CDKAL1: variants seen among roughly 807,000 people sequenced by gnomAD.
CDKAL1 encodes the protein threonylcarbamoyladenosine tRNA methylthiotransferase.
CDKAL1 carries 32 observed loss-of-function variants against 68.2 expected under a neutral mutation model. That is an observed-to-expected ratio of 0.47 (90% CI 0.35 to 0.63). CDKAL1 has a LOEUF of 0.63. Ranked by LOEUF, CDKAL1 falls within the 30% of genes least tolerant of loss-of-function variation. The probability of loss-of-function intolerance (pLI) is 0.00; values close to 1 mark genes in which losing one functional copy is unlikely to be tolerated. For missense variants in CDKAL1, 606 were observed against 696.7 expected (o/e 0.87, Z 1.47); for synonymous variants, 234 against 244.3 (o/e 0.96, Z 0.39).
At chr6:20,620,108 A>G (rs968144544) in intron 4 of CDKAL1, among the ~76,000 whole-genome samples, 13 of 152,304 alleles carry the variant, frequency 8.5e-5, no homozygotes, top group African/African-American at 3.1e-4. Flanking sequence ...ATTAGTTCAT[A>G]TGTGTTGGTT....
intron 11 of CDKAL1, among the ~76,000 whole-genome samples, chr6:21,059,751 C>T (rs973237501): frequency 6.6e-6 from 1 of 152,134 alleles, no homozygotes; most frequent in Admixed American, 6.5e-5. Flanking sequence ...ATCTTGGCCC[C>T]TCCCCTGATT....
At chr6:21,036,411 T>C (rs1426052806) in intron 11 of CDKAL1, among the ~76,000 whole-genome samples, 1 of 152,130 alleles carries the variant, frequency 6.6e-6, no homozygotes, top group Non-Finnish European at 1.5e-5. Context: ...AAGTATGGTG[T>C]GGCAGAGCAA....
At chr6:20,758,796 A>G (rs1774344046) in intron 7 of CDKAL1, among the ~76,000 whole-genome samples, 153 bp downstream of exon 7, 1 of 152,198 alleles carries the variant, frequency 6.6e-6, no homozygotes, top group Non-Finnish European at 1.5e-5. Context: ...TGAATTTGCC[A>G]GTCTAATATT....
intron 2 of CDKAL1, among the ~76,000 whole-genome samples, chr6:20,540,875 G>T (rs12200871): frequency 0.19 from 28,230 of 152,172 alleles, 4,006 homozygotes; most frequent in African/African-American, 0.4. Context: ...TGTAAGCATA[G>T]ACGTAGTTCA....
intron 14 of CDKAL1, 93 bp downstream of exon 14, chr6:21,198,197 A>C: frequency 1.3e-6 from 1 of 791,938 alleles, no homozygotes; most frequent in Non-Finnish European, 2.1e-6. Context: ...AGAGTGTTGA[A>C]TCTTGTCACA....
At chr6:21,048,445 C>G (rs1770364684) in intron 11 of CDKAL1, among the ~76,000 whole-genome samples, 1 of 152,068 alleles carries the variant, frequency 6.6e-6, no homozygotes, top group African/African-American at 2.4e-5. Context: ...TTTATAATTT[C>G]TAGTCCATAA....
chr6:21,230,155 G>A (rs527674918), intron 15 of CDKAL1, among the ~76,000 whole-genome samples: 84 of 152,260 alleles, frequency 5.5e-4, no homozygotes, highest in East Asian at 1.9e-4. Flanking sequence ...GGCTTCCATG[G>A]TTGTTGGTTG....
At chr6:20,770,549 C>G (rs1774897821) in intron 7 of CDKAL1, among the ~76,000 whole-genome samples, 1 of 152,164 alleles carries the variant, frequency 6.6e-6, no homozygotes, top group Admixed American at 6.5e-5. Flanking sequence ...CAATCTTTAA[C>G]AGACCATGCC....
At chr6:20,982,672 CT>C (rs1766217825) in intron 10 of CDKAL1, among the ~76,000 whole-genome samples, 1 of 151,182 alleles carries the variant, frequency 6.6e-6, no homozygotes. Context: ...CAAAATGCTT[CT>C]GTATCAAATG....
chr6:20,542,671 A>G (rs894087344), intron 2 of CDKAL1, among the ~76,000 whole-genome samples: 1 of 152,146 alleles, frequency 6.6e-6, no homozygotes, highest in African/African-American at 2.4e-5. Context: ...CACTTTACCC[A>G]GGTCTCCCGT....
chr6:21,119,619 C>T (rs1774599392), intron 13 of CDKAL1, among the ~76,000 whole-genome samples: 1 of 152,036 alleles, frequency 6.6e-6, no homozygotes, highest in Non-Finnish European at 1.5e-5. Context: ...GGTTTTGTTG[C>T]TTTCAGTTTC....
In CDKAL1 at chr6:20,891,675, C is replaced by T. The variant is rs576643054; in HGVS notation, c.742+45497C>T. On this transcript the variant is annotated intron_variant, in intron 9 of 15. Coordinates refer to ENST00000274695, the MANE Select transcript of CDKAL1 (RefSeq NM_017774.3). ...TCAGCCTCCCGAGTATCTGGGACTA[C>T]AGGCATGCGCCACCATGCCCGGCTA... Among the ~76,000 whole-genome samples the T allele has an allele frequency of 3.3e-5, 5 of 152,128 alleles. No homozygotes were observed. The South Asian group carries it at 1.0e-3, about 32-fold the overall frequency.
chr6:20,791,212 A>G (rs977355253), intron 8 of CDKAL1, among the ~76,000 whole-genome samples: 2 of 152,234 alleles, frequency 1.3e-5, no homozygotes, highest in African/African-American at 4.8e-5. Context: ...TTATAAAGTG[A>G]TGATGATAAT....
intron 10 of CDKAL1, among the ~76,000 whole-genome samples, chr6:20,995,509 C>G (rs77239149): frequency 0.11 from 16,655 of 152,188 alleles, 1,720 homozygotes; most frequent in African/African-American, 0.28. Context: ...CTTTGTACAT[C>G]CCCATCAGAT....
At chr6:20,593,976 T>C (rs1765707495) in intron 4 of CDKAL1, among the ~76,000 whole-genome samples, 1 of 152,212 alleles carries the variant, frequency 6.6e-6, no homozygotes, top group Non-Finnish European at 1.5e-5. Context: ...TTCCACGTAG[T>C]TGTGTGGTTT....
intron 11 of CDKAL1, among the ~76,000 whole-genome samples, chr6:21,032,033 C>T (rs906137048): frequency 5.3e-5 from 8 of 152,034 alleles, no homozygotes; most frequent in African/African-American, 1.4e-4. Context: ...GACTCCTGCA[C>T]GTCCTATCTT....
chr6:21,049,484 A>C (rs1770423035), intron 11 of CDKAL1, among the ~76,000 whole-genome samples: 1 of 152,192 alleles, frequency 6.6e-6, no homozygotes, highest in African/African-American at 2.4e-5. Flanking sequence ...TTTTAATAAC[A>C]GATGTGTAAA....
rs145121997 is a variant in CDKAL1, at chr6:20,900,453, C to T, written c.742+54275C>T. Among the ~76,000 whole-genome samples, 418 of 152,276 alleles carry T rather than the reference C, an allele frequency of 2.7e-3. 7 individuals are homozygous for T. Among genetic ancestry groups the T allele is most frequent in the African/African-American group, 8.7e-3 (361 of 41,554 alleles). On this transcript the variant is annotated intron_variant, in intron 9 of 15. Coordinates refer to ENST00000274695, the MANE Select transcript of CDKAL1 (RefSeq NM_017774.3). Reference sequence around the variant, plus strand: ...CTCCTGATCAGTACTGTCACATGGCCGTGTTCTGATGCAGTATGCAAATAA... The same window carrying T: ...CTCCTGATCAGTACTGTCACATGGCTGTGTTCTGATGCAGTATGCAAATAA...
intron 11 of CDKAL1, among the ~76,000 whole-genome samples, chr6:21,010,251 CAG>C (rs1267941477): frequency 3.3e-5 from 5 of 152,084 alleles, no homozygotes; most frequent in African/African-American, 4.8e-5. Context: ...TATAAAACTG[CAG>C]AGTTTCTTAA....
Sources: gnomAD v4.1 joint callset for allele counts (sites outside exome capture counted in the v4.1 genomes callset) on GRCh38, gnomAD v4.1.1 for gene constraint, MANE v1.5 for transcripts, NCBI Gene and HGNC (gene_info 2026-07-23, HGNC 2026-07-21) for gene names.